ATCAY: variants seen among roughly 807,000 people sequenced by gnomAD.
ATCAY encodes the protein caytaxin.
ATCAY carries 22 observed loss-of-function variants against 47.7 expected under a neutral mutation model. The ratio of observed to expected loss-of-function variants is 0.46; its 90% CI spans 0.33 to 0.66. ATCAY has a LOEUF of 0.66. Ranked by LOEUF, ATCAY falls within the 30% of genes least tolerant of loss-of-function variation. The pLI is 0.02. For missense variants in ATCAY, 452 were observed against 515.0 expected (o/e 0.88, Z 1.18); for synonymous variants, 216 against 207.6 (o/e 1.04, Z -0.35).
At position 3,907,725 on chromosome 19, in the gene ATCAY, T is replaced by C; in HGVS notation, c.359-9T>C. 6.2e-7 allele frequency: 1 copy of C among 1,613,780 alleles called. No homozygotes were observed. The stretch of plus-strand genomic sequence containing the variant: ...GGCGTCCATGCGACTCTCCGCCACC[T>C]GCTTCTAGACGACACCCCCGTGGCC... On this transcript the variant is annotated splice_polypyrimidine_tract_variant and intron_variant, in intron 4 of 12. Coordinates refer to ENST00000450849, the MANE Select transcript of ATCAY (RefSeq NM_033064.5). This position sits in a 1 kb window ranked among gnomAD's most constrained non-coding sequence, Gnocchi z 5.1.
chr19:3,918,705 C>T, intron 10 of ATCAY, 101 bp from the exon 11 acceptor site: 1 of 1,269,872 alleles, frequency 7.9e-7, no homozygotes, highest in Non-Finnish European at 1.1e-6. Context: ...AAAACAGGTC[C>T]CAGGGGACAG....
intron 2 of ATCAY, 73 bp downstream of exon 2, chr19:3,885,917 C>T: frequency 6.8e-7 from 1 of 1,480,186 alleles, no homozygotes; most frequent in Non-Finnish European, 9.2e-7. Flanking sequence ...CAGGAGCGGC[C>T]CGGGTCTCTC....
rs568141612 is a variant in ATCAY, at chr19:3,912,374, C to T, written c.867-1384C>T. Among the ~76,000 whole-genome samples, 19 of 151,634 alleles carry T rather than the reference C, an allele frequency of 1.3e-4. No homozygotes were observed. The East Asian group carries it at 1.8e-3, about 14-fold the overall frequency. On this transcript the variant is annotated intron_variant, in intron 8 of 12. Coordinates refer to ENST00000450849, the MANE Select transcript of ATCAY (RefSeq NM_033064.5). ...TGTCGCCCAGGCTGGAGTGCAGTGG[C>T]GCGATCTCAGCTCACTGCAAGCTCC...
intron 12 of ATCAY, among the ~76,000 whole-genome samples, chr19:3,923,236 A>G (rs2039035130): frequency 6.6e-6 from 1 of 152,226 alleles, no homozygotes. Flanking sequence ...TCTGGAGATG[A>G]GTTCACATAT....
chr19:3,889,407 C>T (rs1026470590), intron 2 of ATCAY, among the ~76,000 whole-genome samples: 3 of 151,596 alleles, frequency 2.0e-5, no homozygotes, highest in South Asian at 4.2e-4. Flanking sequence ...AGTGAGACTC[C>T]GTCTCAAAAT....
At chr19:3,919,208 G>T (rs575741246) in intron 11 of ATCAY, among the ~76,000 whole-genome samples, 5 of 151,968 alleles carry the variant, frequency 3.3e-5, no homozygotes, top group African/African-American at 1.2e-4. Context: ...AACCCAGGGG[G>T]CAGAGGTTGC....
intron 12 of ATCAY, among the ~76,000 whole-genome samples, chr19:3,921,901 A>AAAAC (rs1555770325): frequency 0.013 from 2,004 of 151,980 alleles, 41 homozygotes; most frequent in African/African-American, 0.045. Flanking sequence ...TGTTTAAAAA[A>AAAAC]AAAAAAACAA....
intron 2 of ATCAY, among the ~76,000 whole-genome samples, chr19:3,889,791 C>T (rs1346778352): frequency 1.3e-5 from 2 of 152,044 alleles, no homozygotes; most frequent in African/African-American, 2.4e-5. Context: ...TAATCTCTCG[C>T]GCACCAGGTG....
chr19:3,902,507 G>T lies in ATCAY; in HGVS notation c.98G>T (p.Gly33Val). 1 of 1,580,430 alleles carries T rather than the reference G, an allele frequency of 6.3e-7. No individual in the cohort carries two copies. ...CGCAGGCCACTCCCAGAAGAGACGGGGGTGGAACTGCTTGGCAGCCCGGTG... is the reference window on the plus strand; with the variant it reads ...CGCAGGCCACTCCCAGAAGAGACGGTGGTGGAACTGCTTGGCAGCCCGGTG... ...DLPRPLPEET[G>V]VELLGSPVED... The change falls in exon 3 of 13, where the codon GGG becomes GTG. Residue 33 changes from glycine to valine, a missense_variant. By Grantham distance (109) the Gly-to-Val change is moderately radical (BLOSUM62 -3). Coordinates refer to ENST00000450849, the MANE Select transcript of ATCAY (RefSeq NM_033064.5).
intron 1 of ATCAY, among the ~76,000 whole-genome samples, chr19:3,884,699 G>A (rs78332543): frequency 0.028 from 4,188 of 152,006 alleles, 93 homozygotes; most frequent in South Asian, 0.062. Context: ...TCAGCCTCTC[G>A]CCCACGTTCA....
chr19:3,894,715 G>A (rs991826964), intron 2 of ATCAY, among the ~76,000 whole-genome samples: 2 of 150,794 alleles, frequency 1.3e-5, no homozygotes, highest in African/African-American at 4.9e-5. Context: ...TTAGGAAGCT[G>A]AGGCAGGAGA....
chr19:3,918,080 T>G (rs765959520), intron 10 of ATCAY, among the ~76,000 whole-genome samples: 14 of 152,026 alleles, frequency 9.2e-5, no homozygotes, highest in Non-Finnish European at 1.8e-4. Flanking sequence ...CCATAAAGCA[T>G]AAAAGTCAAG....
chr19:3,907,655 AG>A lies in ATCAY; in HGVS notation c.359-75del. ...GTCCCGGCAGCGAGGGAGGTGGGAG[AG>A]GGGAAGGAAGGCTGAGCAGGAGGGC... On this transcript the variant is annotated intron_variant, in intron 4 of 12. Coordinates refer to ENST00000450849, the MANE Select transcript of ATCAY (RefSeq NM_033064.5). This position sits in a 1 kb window ranked among gnomAD's most constrained non-coding sequence, Gnocchi z 5.1. 2.6e-6 allele frequency: 4 copies of A among 1,537,056 alleles called. No individual in the cohort carries two copies. The Admixed American group carries it at 5.7e-5, about 22-fold the overall frequency.
At chr19:3,915,717 ATTTTTTT>A (rs58629412) in intron 9 of ATCAY, among the ~76,000 whole-genome samples, 17 of 108,926 alleles carry the variant, frequency 1.6e-4, no homozygotes, top group African/African-American at 6.0e-4. Context: ...TGCCCAGCTA[ATTTTTTT>A]TTTTTTTTTT....
chr19:3,912,275 C>A (rs1266211155), intron 8 of ATCAY, among the ~76,000 whole-genome samples: 1 of 152,064 alleles, frequency 6.6e-6, no homozygotes, highest in Non-Finnish European at 1.5e-5. Context: ...GAGTTCGAGA[C>A]CAGCCTGGGT....
intron 4 of ATCAY, among the ~76,000 whole-genome samples, chr19:3,905,905 G>A (rs2038856349): frequency 1.3e-5 from 2 of 151,886 alleles, no homozygotes; most frequent in Non-Finnish European, 2.9e-5. Context: ...GGGCGCAGTG[G>A]CTCATGCCTG....
rs2039053057 is a variant in ATCAY, at chr19:3,924,888, G to A, written c.*296G>A. 1 of 395,960 alleles carries A rather than the reference G, an allele frequency of 2.5e-6. No homozygotes were observed. Among genetic ancestry groups the A allele is most frequent in the Non-Finnish European group, 4.6e-6 (1 of 216,418 alleles). The allele number at this position is 395,960 out of a possible 1,614,324, so 24.5% of individuals were successfully genotyped here. ...CCGAGGAAGGCAAGAAGCGCAGGGGGTGGCCCGCGTGGCGTCGGTGGCCTC... is the reference window on the plus strand; with the variant it reads ...CCGAGGAAGGCAAGAAGCGCAGGGGATGGCCCGCGTGGCGTCGGTGGCCTC... On this transcript the variant is annotated 3_prime_UTR_variant, in exon 13 of 13. Transcript: ENST00000450849.
In ATCAY at chr19:3,917,734, T is replaced by C; in HGVS notation, c.966-8T>C. 6.2e-7 allele frequency: 1 copy of C among 1,613,442 alleles called. No individual in the cohort carries two copies. On this transcript the variant is annotated splice_polypyrimidine_tract_variant and splice_region_variant and intron_variant, in intron 9 of 12. Coordinates refer to ENST00000450849, the MANE Select transcript of ATCAY (RefSeq NM_033064.5). ...AGGTTGTGTCTGACATCTTTTTCTTTCTTTCAGATACGAAGAGGAAAGACT... is the reference window on the plus strand; with the variant it reads ...AGGTTGTGTCTGACATCTTTTTCTTCCTTTCAGATACGAAGAGGAAAGACT...
At chr19:3,915,071 G>A (rs187307135) in intron 9 of ATCAY, among the ~76,000 whole-genome samples, 1 of 151,992 alleles carries the variant, frequency 6.6e-6, no homozygotes, top group African/African-American at 2.4e-5. Context: ...ACCTCCCCTA[G>A]GTTCATGCTG....
Sources: allele counts gnomAD v4.1 joint callset (sites outside exome capture counted in the v4.1 genomes callset), GRCh38; gene constraint gnomAD v4.1.1; non-coding constraint Gnocchi (gnomAD v3.1); transcripts MANE v1.5; gene names NCBI Gene and HGNC (gene_info 2026-07-23, HGNC 2026-07-21).